UNC13C: variants seen among roughly 807,000 people sequenced by gnomAD.
UNC13C encodes the protein protein unc-13 homolog C.
A neutral mutation model predicts 245.4 loss-of-function variants in UNC13C; 174 were observed. The ratio of observed to expected loss-of-function variants is 0.71; its 90% confidence interval spans 0.63 to 0.80. The LOEUF is 0.80. Ranked by LOEUF, UNC13C falls within the 30% of genes least tolerant of loss-of-function variation. UNC13C has a pLI of 0.00. For synonymous variants in UNC13C, 992 were observed against 895.1 expected (o/e 1.11, Z -1.93); for missense variants, 2,829 against 2,602.9 (o/e 1.09, Z -1.89).
At chr15:54,469,661 A>G (rs1219581464) in intron 19 of UNC13C, among the ~76,000 whole-genome samples, 1 of 151,668 alleles carries the variant, frequency 6.6e-6, no homozygotes, top group African/African-American at 2.4e-5. Context: ...GGTTCAGGGT[A>G]GTACTTGGTA....
At chr15:54,438,560 T>A (rs956960692) in intron 19 of UNC13C, among the ~76,000 whole-genome samples, 3 of 151,998 alleles carry the variant, frequency 2.0e-5, no homozygotes, top group Non-Finnish European at 4.4e-5. Context: ...GTCTCTAAAA[T>A]GGCAAGCAGA....
At chr15:53,843,223 G>A in the UNC13C span, among the ~76,000 whole-genome samples, 2 of 152,138 alleles carry the variant, frequency 1.3e-5, no homozygotes, top group South Asian at 2.1e-4. Flanking sequence ...CAGATTGCTT[G>A]AGTCCAGTGA....
chr15:54,129,933 CT>C (rs549275936), intron 2 of UNC13C, among the ~76,000 whole-genome samples: 114 of 134,040 alleles, frequency 8.5e-4, no homozygotes, highest in Middle Eastern at 5.2e-3. Context: ...TTTTTATCTT[CT>C]TGAGTTGCAC....
At chr15:54,034,586 A>G (rs1896494895) in intron 2 of UNC13C, among the ~76,000 whole-genome samples, 1 of 152,240 alleles carries the variant, frequency 6.6e-6, no homozygotes, top group Admixed American at 6.5e-5. Flanking sequence ...GAAAATGATT[A>G]ATGTTTAAGA....
intron 4 of UNC13C, among the ~76,000 whole-genome samples, chr15:54,209,389 T>C (rs2034810147): frequency 6.6e-6 from 1 of 151,572 alleles, no homozygotes; most frequent in South Asian, 2.1e-4. Context: ...AACTGACCCT[T>C]TACATTTTAG....
At position 54,264,741 on chromosome 15, in the gene UNC13C, G is replaced by A. The variant is rs2036510938; in HGVS notation, c.3676+346G>A. 2.0e-5 allele frequency among the ~76,000 whole-genome samples: 3 copies of A among 151,860 alleles called. No homozygotes were observed. The South Asian group carries it at 6.2e-4, about 32-fold the overall frequency. ...CAGTTAATCTTTTTAAATGAGAAAA[G>A]CGATGTTATTTTACTTACTCCTGGC... On this transcript the variant is annotated intron_variant, in intron 9 of 32. Coordinates refer to ENST00000260323, the MANE Select transcript of UNC13C (RefSeq NM_001080534.3).
chr15:54,339,638 G>C (rs2038679377), intron 17 of UNC13C, among the ~76,000 whole-genome samples: 1 of 57,390 alleles, frequency 1.7e-5, no homozygotes, highest in Non-Finnish European at 3.7e-5. Context: ...CCATTATGTG[G>C]AGATATATAT....
intron 19 of UNC13C, among the ~76,000 whole-genome samples, chr15:54,468,097 A>G (rs1892276706): frequency 6.6e-6 from 1 of 151,610 alleles, no homozygotes; most frequent in Non-Finnish European, 1.5e-5. Context: ...GTATGGGTCC[A>G]CTTTTATCCA....
At chr15:53,916,548 G>A in the UNC13C span, among the ~76,000 whole-genome samples, 2 of 152,170 alleles carry the variant, frequency 1.3e-5, no homozygotes, top group Non-Finnish European at 1.5e-5. Flanking sequence ...AGACATAGCA[G>A]TAGTGAAGAG....
Position 54,014,735 on chromosome 15 carries a change from A to G in UNC13C, c.1832A>G (p.Gln611Arg). The G allele has an allele frequency of 6.2e-7, 1 of 1,613,906 alleles. No individual in the cohort carries two copies. The highest frequency in any genetic ancestry group is 8.5e-7 in the Non-Finnish European group (1 of 1,179,840). The change falls in exon 2 of 33, where the codon CAG becomes CGG. Residue 611 changes from glutamine (Q) to arginine (R), a missense_variant. Transcript: ENST00000260323. ...PKDQHLNGGVQGIQGQTETEN... is the reference protein window; with the variant it reads ...PKDQHLNGGVRGIQGQTETEN... ...GACCAGCATTTGAATGGAGGTGTTC[A>G]GGGTATCCAAGGGCAGACTGAAACT...
chr15:53,919,521 G>A, the UNC13C span, among the ~76,000 whole-genome samples: 1 of 152,128 alleles, frequency 6.6e-6, no homozygotes, highest in Non-Finnish European at 1.5e-5. Flanking sequence ...TAAACAGAAT[G>A]CAACTAAGTT....
chr15:54,254,130 C>T (rs2036221041), intron 8 of UNC13C, among the ~76,000 whole-genome samples: 1 of 152,236 alleles, frequency 6.6e-6, no homozygotes. Context: ...ACCTGTTTAA[C>T]ATACTCTTGT....
Position 54,582,409 on chromosome 15 carries a change from T to C in UNC13C, c.6106+14462T>C, listed in dbSNP as rs112019636. Among the ~76,000 whole-genome samples the C allele has an allele frequency of 5.6e-3, 856 of 152,210 alleles. 10 individuals are homozygous for C. The highest frequency in any genetic ancestry group is 0.02 in the African/African-American group (826 of 41,520). On this transcript the variant is annotated intron_variant, in intron 30 of 32. Coordinates refer to ENST00000260323, the MANE Select transcript of UNC13C (RefSeq NM_001080534.3). ...CTAAGTGACTATGTCTACTAAGATATGAGATATAGTTAAGAGAGTAGTCAG... is the reference window on the plus strand; with the variant it reads ...CTAAGTGACTATGTCTACTAAGATACGAGATATAGTTAAGAGAGTAGTCAG...
intron 29 of UNC13C, among the ~76,000 whole-genome samples, chr15:54,563,311 G>A (rs1897371327): frequency 6.6e-6 from 1 of 151,958 alleles, no homozygotes; most frequent in Non-Finnish European, 1.5e-5. Flanking sequence ...ATGATAGAGA[G>A]GAAGAGAGAA....
chr15:54,548,648 G>C (rs969919567), intron 27 of UNC13C, among the ~76,000 whole-genome samples: 5 of 151,928 alleles, frequency 3.3e-5, no homozygotes, highest in Non-Finnish European at 7.4e-5. Flanking sequence ...TATTTTTAGT[G>C]TGCAATTTTG....
the UNC13C span, among the ~76,000 whole-genome samples, chr15:53,924,712 A>G: frequency 6.6e-6 from 1 of 152,240 alleles, no homozygotes; most frequent in Non-Finnish European, 1.5e-5. Flanking sequence ...AGCAAGAGGT[A>G]TCCTTTCCTA....
At chr15:53,840,093 C>T in the UNC13C span, among the ~76,000 whole-genome samples, 1 of 152,054 alleles carries the variant, frequency 6.6e-6, no homozygotes, top group African/African-American at 2.4e-5. Context: ...TCCAACTTTA[C>T]AGTTAGGTGT....
At chr15:53,911,698 G>A in the UNC13C span, 1 of 152,232 alleles carries the variant, frequency 6.6e-6, no homozygotes, top group African/African-American at 2.4e-5. Context: ...GGACTGTTTG[G>A]AATGATGCCA....
rs1291325281 is a variant in UNC13C, at chr15:54,013,749, G to A, written c.846G>A (p.Glu282=). The A allele has an allele frequency of 1.2e-6, 2 of 1,611,534 alleles. No individual in the cohort carries two copies. The highest frequency in any genetic ancestry group is 1.7e-4 in the Middle Eastern group (1 of 6,022). The change falls in exon 2 of 33, where the codon GAG becomes GAA. Residue 282 remains glutamate, a synonymous_variant. Transcript: ENST00000260323. ...HSIDEISSSV[E]VVQSEIEQLR... is the part of the protein sequence containing the mutation. ...TCGATGAGATCTCCAGCAGTGTGGA[G>A]GTTGTACAAAGTGAAATTGAGCAGT...
Sources: allele counts gnomAD v4.1 joint callset (sites outside exome capture counted in the v4.1 genomes callset), GRCh38; gene constraint gnomAD v4.1.1; transcripts MANE v1.5; gene names NCBI Gene and HGNC (gene_info 2026-07-23, HGNC 2026-07-21).